The following SMYD3 variants were observed in gnomAD, a reference collection of about 807,000 sequenced individuals.
SMYD3 encodes the protein histone-lysine N-methyltransferase SMYD3.
In SMYD3, 36 loss-of-function variants were observed where a neutral mutation model predicts 57.7. That is an observed-to-expected ratio of 0.62 (90% CI 0.48 to 0.82). The LOEUF is 0.82. SMYD3 is among the 40% of genes least tolerant of loss of function. The pLI, the probability that SMYD3 is intolerant of heterozygous loss-of-function variation, is 0.00. For synonymous variants in SMYD3, 211 were observed against 195.0 expected, an observed-to-expected ratio of 1.08 and a Z score of -0.68; for missense variants, 515 against 538.8, an observed-to-expected ratio of 0.96 and a Z score of 0.44.
At chr1:245,891,029 C>T (rs572134294) in intron 8 of SMYD3, among the ~76,000 whole-genome samples, 6 of 152,280 alleles carry the variant, frequency 3.9e-5, no homozygotes, top group Non-Finnish European at 7.3e-5. Context: ...AAGAATTTAA[C>T]TCATGGAGAT....
Position 245,774,699 on chromosome 1 carries a change from C to CTCTCCACGGTCTCCCTCTCCCTCTCCT in SMYD3, c.1077-10551_1077-10550insAGGAGAGGGAGAGGGAGACCGTGGAGA, listed in dbSNP as rs1558323195. On this transcript the variant is annotated intron_variant, in intron 10 of 11. Coordinates refer to ENST00000490107, the MANE Select transcript of SMYD3 (RefSeq NM_001167740.2). ...TCCCTTTCCCACGGTCTCCCTCTCC[C>CTCTCCACGGTCTCCCTCTCCCTCTCCT]TCTCCACGGTCTCCCTCTCCCTCTC... 7.7e-5 allele frequency among the ~76,000 whole-genome samples: 9 copies of CTCTCCACGGTCTCCCTCTCCCTCTCCT among 117,408 alleles called. No individual in the cohort carries two copies. The East Asian group carries it at 1.8e-3, about 24-fold the overall frequency. The allele number at this position is 117,408 out of a possible 152,430, so 77.0% of individuals were successfully genotyped here.
intron 1 of SMYD3, among the ~76,000 whole-genome samples, chr1:246,475,392 C>T (rs1316132434): frequency 2.0e-5 from 3 of 151,314 alleles, no homozygotes; most frequent in African/African-American, 7.3e-5. Flanking sequence ...CCTGTAATCA[C>T]AGCACTTTGG....
intron 9 of SMYD3, among the ~76,000 whole-genome samples, chr1:245,860,623 C>T (rs763891289): frequency 6.6e-6 from 1 of 152,206 alleles, no homozygotes; most frequent in Non-Finnish European, 1.5e-5. Flanking sequence ...GAGGAATTGA[C>T]CCTGATCCCA....
intron 10 of SMYD3, among the ~76,000 whole-genome samples, chr1:245,806,878 CCG>C (rs528680708): frequency 1.3e-3 from 173 of 131,422 alleles, no homozygotes; most frequent in East Asian, 5.3e-3. Flanking sequence ...CCACTGCAGT[CCG>C]CAATCCGGCC....
chr1:246,454,568 T>G (rs560849174), intron 1 of SMYD3, among the ~76,000 whole-genome samples: 1 of 152,184 alleles, frequency 6.6e-6, no homozygotes, highest in African/African-American at 2.4e-5. Flanking sequence ...GACTATAAAA[T>G]GTACACAGGC....
intron 10 of SMYD3, among the ~76,000 whole-genome samples, chr1:245,812,644 G>C (rs2048537367): frequency 6.8e-6 from 1 of 146,676 alleles, no homozygotes; most frequent in Non-Finnish European, 1.5e-5. Flanking sequence ...AGAGAGAACA[G>C]GCCCATGCCC....
At chr1:246,010,121 AAAC>A (rs2059256081) in intron 5 of SMYD3, among the ~76,000 whole-genome samples, 1 of 149,186 alleles carries the variant, frequency 6.7e-6, no homozygotes, top group South Asian at 2.2e-4. Context: ...AAAAACAAAA[AAAC>A]AACAAAAACC....
At chr1:246,251,840 G>A (rs2063804049) in intron 5 of SMYD3, among the ~76,000 whole-genome samples, 1 of 6,962 alleles carries the variant, frequency 1.4e-4, no homozygotes. Context: ...CCCGGCTTTA[G>A]TAGGTGCCTC....
At chr1:246,486,500 G>T (rs560119049) in intron 1 of SMYD3, among the ~76,000 whole-genome samples, 5 of 152,288 alleles carry the variant, frequency 3.3e-5, no homozygotes, top group Admixed American at 2.0e-4. Flanking sequence ...TAAGTGTGAA[G>T]ATTATAATAC....
At position 246,497,820 on chromosome 1, in the gene SMYD3, C is replaced by T. The variant is rs536765216; in HGVS notation, c.164+9234G>A. Among the ~76,000 whole-genome samples the T allele has an allele frequency of 6.6e-5, 10 of 150,978 alleles. No individual in the cohort carries two copies. The South Asian group carries it at 2.1e-3, about 31-fold the overall frequency. ...ATTCAAGGCTGCAGTGACCTATGAT[C>T]AAACCACTGCATTACAGCCTGGGTA... On this transcript the variant is annotated intron_variant, in intron 1 of 11. Transcript: ENST00000490107.
intron 5 of SMYD3, among the ~76,000 whole-genome samples, chr1:246,204,679 G>A (rs2062971399): frequency 6.6e-6 from 1 of 152,050 alleles, no homozygotes; most frequent in African/African-American, 2.4e-5. Flanking sequence ...CCTTCAAATG[G>A]CACAATTGAG....
chr1:246,031,271 TCAAG>T (rs1387511998), intron 5 of SMYD3, among the ~76,000 whole-genome samples: 1 of 152,124 alleles, frequency 6.6e-6, no homozygotes, highest in East Asian at 1.9e-4. Flanking sequence ...AAACTAGTTG[TCAAG>T]CAAAGAAGGA....
At chr1:245,996,693 C>T (rs911460655) in intron 5 of SMYD3, among the ~76,000 whole-genome samples, 1 of 152,114 alleles carries the variant, frequency 6.6e-6, no homozygotes, top group Non-Finnish European at 1.5e-5. Context: ...AAAGCCAAGC[C>T]CAGTATTTAA....
chr1:245,926,274 G>A (rs977899653), intron 7 of SMYD3, among the ~76,000 whole-genome samples: 3 of 152,180 alleles, frequency 2.0e-5, no homozygotes, highest in African/African-American at 7.2e-5. Flanking sequence ...AAACAGCCTC[G>A]AAGGGCATAT....
intron 5 of SMYD3, among the ~76,000 whole-genome samples, chr1:246,057,033 C>A (rs1447187222): frequency 6.6e-6 from 1 of 152,166 alleles, no homozygotes; most frequent in Non-Finnish European, 1.5e-5. Context: ...CACAGTAGCA[C>A]CTGCCTGTGG....
In SMYD3 at chr1:246,340,151, T is replaced by C. The variant is rs191745174; in HGVS notation, c.229-4677A>G. 9.5e-4 allele frequency among the ~76,000 whole-genome samples: 144 copies of C among 151,412 alleles called. 2 individuals carry two copies. The highest frequency in any genetic ancestry group is 3.2e-3 in the African/African-American group (131 of 41,472). ...TAATTATCATTGAACTATTGTTCTA[T>C]AGAAATAAATATTGTATAATATTAA... On this transcript the variant is annotated intron_variant, in intron 2 of 11. Transcript: ENST00000490107.
At chr1:246,496,617 C>A (rs2068368916) in intron 1 of SMYD3, among the ~76,000 whole-genome samples, 1 of 152,074 alleles carries the variant, frequency 6.6e-6, no homozygotes, top group Non-Finnish European at 1.5e-5. Flanking sequence ...TGCTTGAGCC[C>A]AGGAGTTCAA....
chr1:245,960,877 G>C (rs1558536542), intron 5 of SMYD3, among the ~76,000 whole-genome samples: 2 of 152,054 alleles, frequency 1.3e-5, no homozygotes, highest in Non-Finnish European at 2.9e-5. Flanking sequence ...TAATTACATA[G>C]GCATTTTCAC....
At chr1:246,437,104 G>T (rs2067391378) in intron 1 of SMYD3, among the ~76,000 whole-genome samples, 1 of 151,950 alleles carries the variant, frequency 6.6e-6, no homozygotes, top group Non-Finnish European at 1.5e-5. Context: ...TCACCACGTT[G>T]GTCAGGCTGG....
Sources: allele counts gnomAD v4.1 joint callset (sites outside exome capture counted in the v4.1 genomes callset), GRCh38; gene constraint gnomAD v4.1.1; transcripts MANE v1.5; gene names NCBI Gene and HGNC (gene_info 2026-07-23, HGNC 2026-07-21).